Variants in PCDHGA7 observed in about 807,000 individuals in gnomAD.
PCDHGA7 encodes protocadherin gamma subfamily A, 7, also known as protocadherin gamma-A7.
In PCDHGA7, 44 loss-of-function variants were observed where a neutral mutation model predicts 58.3. That is an observed-to-expected ratio of 0.75 (90% CI 0.59 to 0.97). The LOEUF (loss-of-function observed/expected upper bound fraction) is 0.97. Among genes scored for constraint, PCDHGA7 ranks in the 50% least tolerant of loss-of-function variants. PCDHGA7 has a pLI of 0.00. For missense variants in PCDHGA7, 1,266 were observed against 1,188.7 expected (o/e 1.06, Z -0.96); for synonymous variants, 516 against 504.2 (o/e 1.02, Z -0.31).
intron 1 of PCDHGA7, among the ~76,000 whole-genome samples, chr5:141,456,707 G>A (rs1198079338): frequency 6.6e-6 from 1 of 152,208 alleles, no homozygotes; most frequent in African/African-American, 2.4e-5. Context: ...GCTCGCGCCT[G>A]TAATCCCAGC....
chr5:141,481,691 C>T (rs929210528), intron 1 of PCDHGA7, among the ~76,000 whole-genome samples: 7 of 152,080 alleles, frequency 4.6e-5, no homozygotes, highest in African/African-American at 1.4e-4. Flanking sequence ...TGGTGGCTCA[C>T]GCCTGTAATC....
chr5:141,398,868 CAG>C, intron 1 of PCDHGA7: 1 of 1,613,982 alleles, frequency 6.2e-7, no homozygotes, highest in Non-Finnish European at 8.5e-7. Flanking sequence ...GAGACGTGTA[CAG>C]AGTCAGCCTT....
At chr5:141,394,955 C>A (rs2093135329) in intron 1 of PCDHGA7, 11 of 1,613,878 alleles carry the variant, frequency 6.8e-6, no homozygotes, top group Non-Finnish European at 8.5e-6. Context: ...TTCTGGGGCT[C>A]AGGCTGAGGC....
chr5:141,467,015 T>C (rs1423064392), intron 1 of PCDHGA7, among the ~76,000 whole-genome samples: 1 of 152,072 alleles, frequency 6.6e-6, no homozygotes. Flanking sequence ...GCAATTTTTT[T>C]CCCTTTGTTT....
At chr5:141,446,079 A>T (rs2098487021) in intron 1 of PCDHGA7, among the ~76,000 whole-genome samples, 1 of 152,234 alleles carries the variant, frequency 6.6e-6, no homozygotes, top group Non-Finnish European at 1.5e-5. Context: ...CAGTGGATGT[A>T]GAAATAAATG....
chr5:141,394,561 A>ACCTGCGGAGCTACCT, intron 1 of PCDHGA7: 2 of 1,613,954 alleles, frequency 1.2e-6, no homozygotes, highest in Non-Finnish European at 1.7e-6. Context: ...CGCTCCGCAG[A>ACCTGCGGAGCTACCT]GCGTGGCTAC....
intron 1 of PCDHGA7, among the ~76,000 whole-genome samples, chr5:141,450,123 T>G (rs565568384): frequency 2.4e-4 from 36 of 150,874 alleles, no homozygotes; most frequent in Non-Finnish European, 4.7e-4. Context: ...TCTCCTGCCT[T>G]AGCCTCCTGA....
chr5:141,478,409 G>A, intron 1 of PCDHGA7: 1 of 1,613,016 alleles, frequency 6.2e-7, no homozygotes, highest in South Asian at 1.1e-5. Flanking sequence ...TCTCACCACG[G>A]ACTCCCGCCG....
Position 141,489,623 on chromosome 5 carries a change from A to T in PCDHGA7, c.2425-5184A>T, listed in dbSNP as rs924162827. On this transcript the variant is annotated intron_variant, in intron 1 of 3. Coordinates refer to ENST00000518325, the MANE Select transcript of PCDHGA7 (RefSeq NM_018920.4). This position sits in a 1 kb window ranked among gnomAD's most constrained non-coding sequence, Gnocchi z 4.5. ...GAGGTAGAGATCCTGGATCTCAATG[A>T]CAACTCTCCTAGCTTTGCCACCCCT... is the stretch of plus-strand genomic sequence containing the variant. The T allele has an allele frequency of 6.2e-7, 1 of 1,614,102 alleles. No homozygotes were observed. Among genetic ancestry groups the T allele is most frequent in the Non-Finnish European group, 8.5e-7 (1 of 1,179,996 alleles).
chr5:141,417,230 T>C (rs2096097492), intron 1 of PCDHGA7: 1 of 152,210 alleles, frequency 6.6e-6, no homozygotes, highest in Non-Finnish European at 1.5e-5. Context: ...AAAAAATTTG[T>C]TGCTTATCTT....
chr5:141,486,105 A>C lies in PCDHGA7; in HGVS notation c.2425-8702A>C. The stretch of plus-strand genomic sequence containing the variant: ...ACTCTTTTGGGGCCCCTAGACTTTG[A>C]GAGTGAGAATTACTATGAATTTGAT... On this transcript the variant is annotated intron_variant, in intron 1 of 3. Transcript: ENST00000518325. This position sits in a 1 kb window ranked among gnomAD's most constrained non-coding sequence, Gnocchi z 5.0. The C allele has an allele frequency of 1.2e-6, 2 of 1,614,138 alleles. No individual in the cohort carries two copies. The highest frequency in any genetic ancestry group is 1.7e-6 in the Non-Finnish European group (2 of 1,180,016).
chr5:141,492,851 C>T (rs1289268967), intron 1 of PCDHGA7, among the ~76,000 whole-genome samples: 2 of 152,204 alleles, frequency 1.3e-5, no homozygotes, highest in Non-Finnish European at 2.9e-5. Flanking sequence ...GTGAAAGCCT[C>T]GAGCGCCCTG....
chr5:141,483,716 G>C (rs772661472), intron 1 of PCDHGA7, among the ~76,000 whole-genome samples: 1 of 151,974 alleles, frequency 6.6e-6, no homozygotes, highest in Non-Finnish European at 1.5e-5. Context: ...CCAGAATATT[G>C]GTTCCCACCA....
chr5:141,417,969 T>G, intron 1 of PCDHGA7: 1 of 1,613,768 alleles, frequency 6.2e-7, no homozygotes, highest in Non-Finnish European at 8.5e-7. Flanking sequence ...CGCTACTCGA[T>G]TCCGGAGGAG....
intron 1 of PCDHGA7, chr5:141,405,044 G>A (rs769617162): frequency 6.2e-7 from 1 of 1,613,938 alleles, no homozygotes; most frequent in Admixed American, 1.7e-5. Context: ...TGTGGCTGTG[G>A]CAGTCGTCTC....
At chr5:141,389,600 C>T (rs748837518) in intron 1 of PCDHGA7, 28 of 1,613,080 alleles carry the variant, frequency 1.7e-5, no homozygotes, top group Non-Finnish European at 2.3e-5. Flanking sequence ...GCTCTGCGCT[C>T]TTCGATATGG....
At chr5:141,478,137 G>C (rs762316494) in intron 1 of PCDHGA7, 1 of 1,613,872 alleles carries the variant, frequency 6.2e-7, no homozygotes, top group South Asian at 1.1e-5. Context: ...CCTGAAGCCC[G>C]AGCCGAGTTC....
At chr5:141,422,110 T>A in intron 1 of PCDHGA7, 1 of 1,606,626 alleles carries the variant, frequency 6.2e-7, no homozygotes, top group South Asian at 1.1e-5. Flanking sequence ...AATATTCCAA[T>A]TGGATTCACA....
intron 1 of PCDHGA7, chr5:141,403,457 A>G: frequency 6.2e-7 from 1 of 1,613,982 alleles, no homozygotes; most frequent in Non-Finnish European, 8.5e-7. Context: ...CTCCCTCCAG[A>G]GCTACCAGCT....
Sources: gnomAD v4.1 joint callset for allele counts (sites outside exome capture counted in the v4.1 genomes callset) on GRCh38, gnomAD v4.1.1 for gene constraint, Gnocchi (gnomAD v3.1) non-coding constraint, MANE v1.5 for transcripts, NCBI Gene and HGNC (gene_info 2026-07-23, HGNC 2026-07-21) for gene names.